The following SNX29 variants were observed in gnomAD, a reference collection of about 807,000 sequenced individuals.
SNX29 encodes the protein sorting nexin-29.
SNX29 carries 78 observed loss-of-function variants against 102.1 expected under a neutral mutation model. The ratio of observed to expected loss-of-function variants is 0.76; its 90% confidence interval spans 0.64 to 0.92. SNX29 has a LOEUF of 0.92. SNX29 is among the 40% of genes least tolerant of loss of function. The pLI is 0.00. For missense variants in SNX29, 1,280 were observed against 1,061.7 expected (o/e 1.21, Z -2.86); for synonymous variants, 580 against 414.5 (o/e 1.40, Z -4.85).
intron 18 of SNX29, among the ~76,000 whole-genome samples, chr16:12,434,861 T>C (rs1384039198): frequency 6.6e-6 from 1 of 152,010 alleles, no homozygotes; most frequent in Non-Finnish European, 1.5e-5. Flanking sequence ...ATGCTGCCAC[T>C]TTGTAACAGA....
At chr16:12,167,575 C>G (rs984750778) in intron 13 of SNX29, among the ~76,000 whole-genome samples, 1 of 152,244 alleles carries the variant, frequency 6.6e-6, no homozygotes, top group East Asian at 1.9e-4. Flanking sequence ...ATTATCGCCA[C>G]CATTAAGTAA....
At position 12,538,165 on chromosome 16, in the gene SNX29, G is replaced by T. The variant is rs116949126; in HGVS notation, c.2318+13324G>T. ...GAGTCTCACTCTGTCACCCAGAATA[G>T]AGTGCAGTGGTGTGATCTAGGCTCA... On this transcript the variant is annotated intron_variant, in intron 20 of 20. Transcript: ENST00000566228. Among the ~76,000 whole-genome samples the T allele has an allele frequency of 7.1e-3, 1,076 of 152,234 alleles. 5 individuals carry two copies. The highest frequency in any genetic ancestry group is 0.01 in the Non-Finnish European group (710 of 68,010).
At chr16:12,562,219 G>C (rs2078765730) in intron 20 of SNX29, among the ~76,000 whole-genome samples, 1 of 152,100 alleles carries the variant, frequency 6.6e-6, no homozygotes, top group Non-Finnish European at 1.5e-5. Flanking sequence ...TGCTGGAGGT[G>C]GCCAAGTTCA....
At chr16:12,050,941 G>C (rs1017551444) in intron 7 of SNX29, among the ~76,000 whole-genome samples, 1 of 151,142 alleles carries the variant, frequency 6.6e-6, no homozygotes, top group African/African-American at 2.4e-5. Context: ...GGCTGGTCTT[G>C]AACTCCTGAC....
At chr16:12,146,268 T>TC (rs1295597333) in intron 13 of SNX29, among the ~76,000 whole-genome samples, 1 of 152,122 alleles carries the variant, frequency 6.6e-6, no homozygotes, top group Non-Finnish European at 1.5e-5. Flanking sequence ...TATGATTTTT[T>TC]TTTTTTTTCT....
At chr16:12,434,817 G>C (rs2085464475) in intron 18 of SNX29, among the ~76,000 whole-genome samples, 1 of 152,128 alleles carries the variant, frequency 6.6e-6, no homozygotes, top group Admixed American at 6.5e-5. Flanking sequence ...ACGGGGGGAT[G>C]CCAGGCCTGA....
At chr16:12,240,065 A>C (rs1281468059) in intron 14 of SNX29, among the ~76,000 whole-genome samples, 1 of 152,244 alleles carries the variant, frequency 6.6e-6, no homozygotes, top group Non-Finnish European at 1.5e-5. Context: ...TATCACGAGC[A>C]GTTTTGTGTC....
chr16:12,396,378 G>A lies in SNX29; in HGVS notation c.1900-2068G>A, dbSNP rs114925910. ...ATTGAGGTTCCTGGGTGCAAACTCT[G>A]TTCACTTCCAGTTGGAAATGAGGCT... On this transcript the variant is annotated intron_variant, in intron 16 of 20. Transcript: ENST00000566228. Among the ~76,000 whole-genome samples, 909 of 152,260 alleles carry A rather than the reference G, an allele frequency of 6.0e-3. 9 individuals are homozygous for A. Among genetic ancestry groups the A allele is most frequent in the African/African-American group, 0.021 (865 of 41,530 alleles).
chr16:12,334,921 T>TTTTTTTTTTTTTA (rs56233203), intron 15 of SNX29, among the ~76,000 whole-genome samples: 1 of 149,216 alleles, frequency 6.7e-6, no homozygotes, highest in African/African-American at 2.5e-5. Context: ...TTTTTTTTTT[T>TTTTTTTTTTTTTA]AAAAAGCAAC....
chr16:12,170,860 G>A (rs1209734697), intron 13 of SNX29, among the ~76,000 whole-genome samples: 1 of 151,318 alleles, frequency 6.6e-6, no homozygotes, highest in Non-Finnish European at 1.5e-5. Context: ...GAGTGTCTGT[G>A]CGCGCGCGCG....
At chr16:12,301,258 C>T (rs1296791444) in intron 15 of SNX29, among the ~76,000 whole-genome samples, 1 of 152,228 alleles carries the variant, frequency 6.6e-6, no homozygotes, top group Non-Finnish European at 1.5e-5. Context: ...TACCAGTAGA[C>T]TCCTTCCTGT....
intron 1 of SNX29, among the ~76,000 whole-genome samples, chr16:11,981,327 C>A (rs1168184743): frequency 6.6e-6 from 1 of 152,046 alleles, no homozygotes; most frequent in African/African-American, 2.4e-5. Context: ...TGGTCTCCAG[C>A]TCCTGACCTC....
In SNX29 at chr16:12,208,275, A is replaced by G. The variant is rs139406913; in HGVS notation, c.1678+8592A>G. Among the ~76,000 whole-genome samples the G allele has an allele frequency of 5.9e-5, 9 of 152,286 alleles. No homozygotes were observed. In the East Asian group the frequency reaches 1.7e-3, roughly 29 times the overall value. Reference sequence around the variant, plus strand: ...TTGCACAAGAACTCTACCCACTGCAAGTGGGGAGCATTGAGTTTTGGTGGC... The same window carrying G: ...TTGCACAAGAACTCTACCCACTGCAGGTGGGGAGCATTGAGTTTTGGTGGC... On this transcript the variant is annotated intron_variant, in intron 14 of 20. Coordinates refer to ENST00000566228, the MANE Select transcript of SNX29 (RefSeq NM_032167.5).
chr16:11,997,289 G>C (rs1489438098), intron 1 of SNX29, among the ~76,000 whole-genome samples: 6 of 152,112 alleles, frequency 3.9e-5, no homozygotes, highest in Non-Finnish European at 1.5e-5. Flanking sequence ...ACACTGGCCT[G>C]CCCTGTCTTT....
chr16:12,383,496 G>C (rs2083245647), intron 16 of SNX29, among the ~76,000 whole-genome samples: 2 of 151,786 alleles, frequency 1.3e-5, no homozygotes, highest in Admixed American at 1.3e-4. Context: ...GAGTGCAGTG[G>C]TGCGATCTTG....
chr16:12,543,194 C>G (rs1012779192), intron 20 of SNX29, among the ~76,000 whole-genome samples: 1 of 152,212 alleles, frequency 6.6e-6, no homozygotes. Context: ...TAGGAAAAAT[C>G]ATATTCATCA....
intron 20 of SNX29, among the ~76,000 whole-genome samples, chr16:12,538,988 G>A (rs536417278): frequency 6.6e-6 from 1 of 152,190 alleles, no homozygotes; most frequent in African/African-American, 2.4e-5. Context: ...GGAGAAGATA[G>A]AACAGACCAG....
intron 16 of SNX29, among the ~76,000 whole-genome samples, chr16:12,391,749 C>T (rs903011195): frequency 6.6e-6 from 1 of 152,282 alleles, no homozygotes; most frequent in East Asian, 1.9e-4. Context: ...TAGAACTTTA[C>T]CATCGCCCCA....
chr16:11,979,275 CAAAAAAAA>C (rs71139569), intron 1 of SNX29, among the ~76,000 whole-genome samples: 3 of 62,004 alleles, frequency 4.8e-5, no homozygotes, highest in South Asian at 6.4e-4. Context: ...ACTCAGTCTC[CAAAAAAAA>C]AAAAAAAAAA....
Sources: gnomAD v4.1 joint callset for allele counts (sites outside exome capture counted in the v4.1 genomes callset) on GRCh38, gnomAD v4.1.1 for gene constraint, MANE v1.5 for transcripts, NCBI Gene and HGNC (gene_info 2026-07-23, HGNC 2026-07-21) for gene names.